ATG4C: variants seen among roughly 807,000 people sequenced by gnomAD.
ATG4C encodes the protein autophagy related 4C cysteine peptidase.
A neutral mutation model predicts 57.6 loss-of-function variants in ATG4C; 56 were observed. The ratio of observed to expected loss-of-function variants is 0.97; its 90% CI spans 0.78 to 1.21. ATG4C has a LOEUF of 1.21. ATG4C is among the 50% of genes most tolerant of loss of function. The pLI, the probability that ATG4C is intolerant of heterozygous loss-of-function variation, is 0.00. For synonymous variants in ATG4C, 157 were observed against 174.1 expected (o/e 0.90, Z 0.78); for missense variants, 595 against 529.8 (o/e 1.12, Z -1.21).
At chr1:62,861,697 G>C (rs1666865043) in intron 10 of ATG4C, among the ~76,000 whole-genome samples, 1 of 151,436 alleles carries the variant, frequency 6.6e-6, no homozygotes, top group South Asian at 2.1e-4. Context: ...TTATCTTTCA[G>C]TCTTTTCAAA....
intron 10 of ATG4C, among the ~76,000 whole-genome samples, chr1:62,855,564 A>G (rs1666656939): frequency 6.6e-6 from 1 of 152,224 alleles, no homozygotes; most frequent in South Asian, 2.1e-4. Context: ...ACATGTGGCC[A>G]GTTGTCTTCT....
chr1:62,801,852 G>T (rs1664678974), intron 1 of ATG4C, among the ~76,000 whole-genome samples: 1 of 149,198 alleles, frequency 6.7e-6, no homozygotes, highest in African/African-American at 2.5e-5. Flanking sequence ...CAGTTACTCG[G>T]GAGGCTGAGG....
chr1:62,863,980 T>A lies in ATG4C; in HGVS notation c.1210-12T>A. ...CATCCAATAAGGAATTCTTCTATAC[T>A]TTCTGTTACAGATGCTGAAATTTTC... On this transcript the variant is annotated splice_polypyrimidine_tract_variant and intron_variant, in intron 10 of 10. Transcript: ENST00000317868. 6.5e-7 allele frequency: 1 copy of A among 1,544,978 alleles called. No homozygotes were observed. Among genetic ancestry groups the A allele is most frequent in the Non-Finnish European group, 8.7e-7 (1 of 1,143,998 alleles).
At chr1:62,846,802 T>A (rs1210318746) in intron 10 of ATG4C, among the ~76,000 whole-genome samples, 3 of 152,188 alleles carry the variant, frequency 2.0e-5, no homozygotes, top group Non-Finnish European at 4.4e-5. Flanking sequence ...ACTTCAGTGA[T>A]CTCTTATGTA....
At chr1:62,789,488 C>A (rs1485983295) in intron 1 of ATG4C, among the ~76,000 whole-genome samples, 1 of 152,284 alleles carries the variant, frequency 6.6e-6, no homozygotes, top group East Asian at 1.9e-4. Context: ...CCACAGAGTC[C>A]TGGTTTATTT....
chr1:62,805,315 T>C, intron 3 of ATG4C, 60 bp downstream of exon 3: 1 of 1,419,086 alleles, frequency 7.0e-7, no homozygotes, highest in Non-Finnish European at 9.2e-7. Context: ...TGTAACTTTT[T>C]ATTATTTTAT....
In ATG4C at chr1:62,852,809, G is replaced by A. The variant is rs146318910; in HGVS notation, c.1210-11183G>A. Among the ~76,000 whole-genome samples, 422 of 146,092 alleles carry A rather than the reference G, an allele frequency of 2.9e-3. 2 individuals are homozygous for A. Among genetic ancestry groups the A allele is most frequent in the African/African-American group, 0.01 (398 of 39,418 alleles). Reference sequence around the variant, plus strand: ...TCAACTACCTAGCGGTAAGTTTTTCGTAATTATAAACATAGGAAAAATCTC... The same window carrying A: ...TCAACTACCTAGCGGTAAGTTTTTCATAATTATAAACATAGGAAAAATCTC... On this transcript the variant is annotated intron_variant, in intron 10 of 10. Transcript: ENST00000317868.
At chr1:62,818,449 T>TCA (rs1665357024) in intron 4 of ATG4C, among the ~76,000 whole-genome samples, 1 of 152,228 alleles carries the variant, frequency 6.6e-6, no homozygotes, top group African/African-American at 2.4e-5. Flanking sequence ...AGTCTTTATC[T>TCA]CAGCACTGTC....
At position 62,816,779 on chromosome 1, in the gene ATG4C, A is replaced by G. The variant is rs562199990; in HGVS notation, c.365A>G (p.Gln122Arg). The G allele has an allele frequency of 7.3e-5, 117 of 1,606,088 alleles. 2 individuals are homozygous for G. The Middle Eastern group carries it at 1.8e-3, about 25-fold the overall frequency. The change falls in exon 4 of 11, where the codon CAA (glutamine) becomes CGA (arginine). Residue 122 changes from glutamine to arginine, a missense_variant. Transcript: ENST00000317868. Reference protein sequence around the residue: ...TLRTGQMLLAQGLILHFLGRA... With the variant: ...TLRTGQMLLARGLILHFLGRA... ...AGAACTGGCCAGATGCTCTTGGCTC[A>G]AGGACTCATACTACACTTTCTTGGT...
chr1:62,838,428 C>T (rs939742643), intron 9 of ATG4C, among the ~76,000 whole-genome samples: 3 of 152,004 alleles, frequency 2.0e-5, no homozygotes, highest in Non-Finnish European at 4.4e-5. Flanking sequence ...CAATAGACAA[C>T]GATTGTGAAT....
At chr1:62,833,286 CTGT>C (rs1665898295) in intron 7 of ATG4C, among the ~76,000 whole-genome samples, 1 of 152,042 alleles carries the variant, frequency 6.6e-6, no homozygotes, top group African/African-American at 2.4e-5. Context: ...ATTGCAGGAA[CTGT>C]TGTTAAGACA....
chr1:62,805,097 A>G, intron 2 of ATG4C, 75 bp from the exon 3 acceptor site: 1 of 1,444,138 alleles, frequency 6.9e-7, no homozygotes, highest in Non-Finnish European at 9.0e-7. Context: ...TAAATAAAAG[A>G]AAACGCTGCT....
At chr1:62,784,998 T>G (rs1431014779) in intron 1 of ATG4C, among the ~76,000 whole-genome samples, 4 of 152,352 alleles carry the variant, frequency 2.6e-5, no homozygotes, top group Middle Eastern at 3.4e-3. Flanking sequence ...CGTTTTGTAT[T>G]GGTTATTTAC....
chr1:62,850,885 T>TAC (rs1666497684), intron 10 of ATG4C, among the ~76,000 whole-genome samples: 1 of 78,108 alleles, frequency 1.3e-5, no homozygotes, highest in Non-Finnish European at 2.5e-5. Context: ...TATATATATA[T>TAC]ATATATATAT....
chr1:62,843,982 G>A (rs1666250138), intron 10 of ATG4C, among the ~76,000 whole-genome samples: 1 of 152,144 alleles, frequency 6.6e-6, no homozygotes, highest in African/African-American at 2.4e-5. Flanking sequence ...ATTTAAGAAG[G>A]GCTTTAAAGT....
At chr1:62,842,110 T>C (rs1160735310) in intron 10 of ATG4C, among the ~76,000 whole-genome samples, 1 of 152,200 alleles carries the variant, frequency 6.6e-6, no homozygotes, top group Non-Finnish European at 1.5e-5. Context: ...TTTATACTTC[T>C]ACATTTTTTT....
In ATG4C at chr1:62,819,293, C is replaced by T; in HGVS notation, c.683C>T (p.Ala228Val). 1 of 1,611,400 alleles carries T rather than the reference C, an allele frequency of 6.2e-7. No individual in the cohort carries two copies. The highest frequency in any genetic ancestry group is 8.5e-7 in the Non-Finnish European group (1 of 1,179,126). ...TATGGAAAGAAGTCTGGGAAAAAAGCAGGAGATTGGTATGGACCAGCTGTG... is the reference window on the plus strand; with the variant it reads ...TATGGAAAGAAGTCTGGGAAAAAAGTAGGAGATTGGTATGGACCAGCTGTG... ...IEYGKKSGKKAGDWYGPAVVA... is the reference protein window; with the variant it reads ...IEYGKKSGKKVGDWYGPAVVA... Residue 228 changes from alanine (A) to valine (V), a missense_variant, in exon 5 of 11, where the codon GCA (alanine) becomes GTA (valine). Physicochemically the swap from Ala to Val is moderately conservative, Grantham distance 64. Coordinates refer to ENST00000317868, the MANE Select transcript of ATG4C (RefSeq NM_032852.4).
chr1:62,807,505 G>A (rs1054234655), intron 3 of ATG4C, among the ~76,000 whole-genome samples: 1 of 152,168 alleles, frequency 6.6e-6, no homozygotes, highest in East Asian at 1.9e-4. Flanking sequence ...AATCCTCTGG[G>A]CAAGGGAAGA....
At chr1:62,857,341 ATC>A (rs1464662737) in intron 10 of ATG4C, among the ~76,000 whole-genome samples, 1 of 152,086 alleles carries the variant, frequency 6.6e-6, no homozygotes, top group Non-Finnish European at 1.5e-5. Flanking sequence ...TATGCAAGGG[ATC>A]TAGGTTGCAT....
Sources: gnomAD v4.1 joint callset for allele counts (sites outside exome capture counted in the v4.1 genomes callset) on GRCh38, gnomAD v4.1.1 for gene constraint, MANE v1.5 for transcripts, NCBI Gene and HGNC (gene_info 2026-07-23, HGNC 2026-07-21) for gene names.